The following CACNA1H variants were observed in gnomAD, a reference collection of about 807,000 sequenced individuals.
CACNA1H encodes calcium voltage-gated channel subunit alpha1 H, also known as voltage-dependent T-type calcium channel subunit alpha-1H.
Under a neutral mutation model 192.5 loss-of-function variants are expected in CACNA1H, and 149 were observed. The ratio of observed to expected loss-of-function variants is 0.77; its 90% CI spans 0.68 to 0.89. The LOEUF (loss-of-function observed/expected upper bound fraction) is 0.89. Ranked by LOEUF, CACNA1H falls within the 40% of genes least tolerant of loss-of-function variation. CACNA1H has a pLI of 0.00. For missense variants in CACNA1H, 4,257 were observed against 3,423.5 expected (o/e 1.24, Z -6.08); for synonymous variants, 2,202 against 1,475.2 (o/e 1.49, Z -11.29).
chr16:1,186,370 T>C (rs981127871), intron 2 of CACNA1H, among the ~76,000 whole-genome samples: 35 of 152,022 alleles, frequency 2.3e-4, no homozygotes, highest in Non-Finnish European at 4.4e-4. Flanking sequence ...CAGGCCCAGA[T>C]TCCTGGACGT....
chr16:1,188,189 C>A (rs752185570), intron 2 of CACNA1H, among the ~76,000 whole-genome samples: 1 of 152,172 alleles, frequency 6.6e-6, no homozygotes, highest in South Asian at 2.1e-4. Flanking sequence ...AGGCCCTGGC[C>A]CCAGGATACG....
In CACNA1H at chr16:1,167,897, G is replaced by A. The variant is rs536208872; in HGVS notation, c.299+13861G>A. On this transcript the variant is annotated intron_variant, in intron 2 of 34. Transcript: ENST00000348261. This position sits in a 1 kb window ranked among gnomAD's most constrained non-coding sequence, Gnocchi z 4.2. ...GCCCATGGCAGCAGGTGCTCAGTAA[G>A]CACTCGCCCCACCAGTGCGTGGAGC... 2.0e-5 allele frequency among the ~76,000 whole-genome samples: 3 copies of A among 152,328 alleles called. No individual in the cohort carries two copies. The highest frequency in any genetic ancestry group is 6.5e-5 in the Admixed American group (1 of 15,314).
rs574397087 is a variant in CACNA1H, at chr16:1,220,874, C to T, written c.6942C>T (p.Val2314=). Residue 2314 remains valine (V), a synonymous_variant, in exon 35 of 35, where the codon GTC becomes GTT. Transcript: ENST00000348261. Reference sequence around the variant, plus strand: ...CAGAATCAGAGCCTCCCATGCCCGTCGGTGACCCCCCAGAGAAGAGGCGGG... The same window carrying T: ...CAGAATCAGAGCCTCCCATGCCCGTTGGTGACCCCCCAGAGAAGAGGCGGG... ...EPPESEPPMP[V]GDPPEKRRGL... 2.0e-5 allele frequency: 33 copies of T among 1,612,678 alleles called. No homozygotes were observed. Among genetic ancestry groups the T allele is most frequent in the South Asian group, 1.8e-4 (16 of 91,078 alleles).
At chr16:1,194,019 C>G (rs59488514) in intron 2 of CACNA1H, among the ~76,000 whole-genome samples, 7,451 of 152,156 alleles carry the variant, frequency 0.049, 593 homozygotes, top group African/African-American at 0.17. Flanking sequence ...GCAGGGGGCG[C>G]TGCTGCCACC....
intron 3 of CACNA1H, 55 bp downstream of exon 3, chr16:1,195,138 G>A (rs1250114669): frequency 9.9e-7 from 1 of 1,012,396 alleles, no homozygotes; most frequent in Non-Finnish European, 1.5e-6. Flanking sequence ...GAGGTTTATG[G>A]TTCAAGGCGG....
chr16:1,219,976 C>T lies in CACNA1H; in HGVS notation c.6049-5C>T, dbSNP rs1287905631. ...GCCCCTCACTTTGACTCTACGCCCC[C>T]ACAGGAGGCTGTGCACACCGATTCC... On this transcript the variant is annotated splice_polypyrimidine_tract_variant and splice_region_variant and intron_variant, in intron 34 of 34. Transcript: ENST00000348261. 3.8e-6 allele frequency: 5 copies of T among 1,303,964 alleles called. No homozygotes were observed. Among genetic ancestry groups the T allele is most frequent in the Non-Finnish European group, 4.9e-6 (5 of 1,021,414 alleles). The allele number at this position is 1,303,964 out of a possible 1,614,324, so 80.8% of individuals were successfully genotyped here. A position where few individuals can be genotyped will look rare whatever the true frequency, so the allele number is the denominator to read the frequency against.
At position 1,219,140 on chromosome 16, in the gene CACNA1H, G is replaced by A. The variant is rs1437796928; in HGVS notation, c.6048+10G>A. 1.9e-5 allele frequency: 29 copies of A among 1,520,000 alleles called. No homozygotes were observed. Among genetic ancestry groups the A allele is most frequent in the Middle Eastern group, 1.7e-4 (1 of 5,854 alleles). 94.2% of individuals were successfully genotyped at this position (1,520,000 alleles called of 1,614,324 possible). On this transcript the variant is annotated intron_variant, in intron 34 of 34. Transcript: ENST00000348261. The stretch of plus-strand genomic sequence containing the variant: ...GCTGCTCTGCAGACAGGTAGGAGAA[G>A]CCGTTGGCCTGCAGCAGAGGCTGGC...
intron 9 of CACNA1H, among the ~76,000 whole-genome samples, chr16:1,202,819 C>T (rs1437103829): frequency 2.0e-5 from 3 of 152,104 alleles, no homozygotes; most frequent in African/African-American, 7.2e-5. Flanking sequence ...GGAGGACGTG[C>T]AGCGTCCTTC....
At chr16:1,197,608 C>T (rs1413985469) in intron 5 of CACNA1H, among the ~76,000 whole-genome samples, 16 of 152,232 alleles carry the variant, frequency 1.1e-4, no homozygotes, top group Non-Finnish European at 5.9e-5. Context: ...ACCTCTGGGT[C>T]ATCTGTGATC....
chr16:1,214,876 C>T (rs1969874279), intron 27 of CACNA1H, 96 bp from the exon 28 acceptor site: 1 of 898,142 alleles, frequency 1.1e-6, no homozygotes, highest in Non-Finnish European at 1.8e-6. Flanking sequence ...GCCTCCAGGG[C>T]CGGCCAGCGG....
Position 1,210,776 on chromosome 16 carries a change from G to A in CACNA1H, c.4039-11G>A, listed in dbSNP as rs369310607. 11 of 1,599,112 alleles carry A rather than the reference G, an allele frequency of 6.9e-6. No homozygotes were observed. In the Admixed American group the frequency reaches 1.5e-4, roughly 22 times the overall value. ...CCTGAGCCTGAGCTCAGTGCCATTG[G>A]CCCTCCGCAGGTGGTGGCCCTGGGG... On this transcript the variant is annotated splice_polypyrimidine_tract_variant and intron_variant, in intron 20 of 34. Coordinates refer to ENST00000348261, the MANE Select transcript of CACNA1H (RefSeq NM_021098.3).
At chr16:1,200,221 T>G (rs375149271) in intron 6 of CACNA1H, 35 bp from the exon 7 acceptor site, 19 of 1,546,846 alleles carry the variant, frequency 1.2e-5, no homozygotes, top group Non-Finnish European at 1.6e-5. Context: ...CTGACCCTGA[T>G]TGTACCTTTT....
chr16:1,198,014 G>C (rs1439871197), intron 5 of CACNA1H, among the ~76,000 whole-genome samples: 1 of 152,134 alleles, frequency 6.6e-6, no homozygotes, highest in Non-Finnish European at 1.5e-5. Context: ...GCCTCCAGCA[G>C]CCTCTCTCTG....
chr16:1,195,358 T>C (rs1265853385), intron 3 of CACNA1H, 74 bp from the exon 4 acceptor site: 74 of 1,536,292 alleles, frequency 4.8e-5, no homozygotes, highest in Non-Finnish European at 6.3e-5. Flanking sequence ...GGCCGGGCTC[T>C]TGCGGGGCTG....
At position 1,214,958 on chromosome 16, in the gene CACNA1H, C is replaced by T. The variant is rs747534354; in HGVS notation, c.4930-14C>T. The T allele has an allele frequency of 2.0e-5, 31 of 1,584,702 alleles. No homozygotes were observed. In the South Asian group the frequency reaches 2.6e-4, roughly 13 times the overall value. On this transcript the variant is annotated splice_polypyrimidine_tract_variant and intron_variant, in intron 27 of 34. Transcript: ENST00000348261. ...CCCAGCCCCACCTCAGCCAGCCCGACCCTCCACCCCCAGTCGCTGGACGAG... is the reference window on the plus strand; with the variant it reads ...CCCAGCCCCACCTCAGCCAGCCCGATCCTCCACCCCCAGTCGCTGGACGAG...
intron 2 of CACNA1H, among the ~76,000 whole-genome samples, chr16:1,186,718 C>G (rs1030138113): frequency 6.6e-6 from 1 of 152,200 alleles, no homozygotes; most frequent in African/African-American, 2.4e-5. Context: ...GCCTCCTCAA[C>G]GGGTGGCCAC....
At position 1,200,421 on chromosome 16, in the gene CACNA1H, G is replaced by T. The variant is rs564108356; in HGVS notation, c.969G>T (p.Thr323=). The change falls in exon 7 of 35, where the codon ACG becomes ACT. Residue 323 remains threonine (T), a synonymous_variant. Coordinates refer to ENST00000348261, the MANE Select transcript of CACNA1H (RefSeq NM_021098.3). ...GCACCCTGGGCTGGGAGGCCTACAC[G>T]CAGCCGCAGGCCGAGGGGGTGGGCG... ...MPCTLGWEAY[T]QPQAEGVGAA... 4.3e-6 allele frequency: 7 copies of T among 1,609,446 alleles called. No homozygotes were observed. In the Admixed American group the frequency reaches 8.4e-5, roughly 19 times the overall value.
Position 1,153,970 on chromosome 16 carries a change from C to G in CACNA1H, c.233C>G (p.Thr78Arg). Residue 78 changes from threonine to arginine, a missense_variant, in exon 2 of 35, where the codon ACG (threonine) becomes AGG (arginine). Thr to Arg is a moderately conservative substitution (Grantham distance 71, BLOSUM62 -1). Transcript: ENST00000348261. ...QRVPYPALAATVFFCLGQTTR... is the reference protein window; with the variant it reads ...QRVPYPALAARVFFCLGQTTR... Reference sequence around the variant, plus strand: ...GTCCCGTACCCGGCCTTGGCGGCCACGGTCTTCTTCTGCCTCGGTCAGACC... The same window carrying G: ...GTCCCGTACCCGGCCTTGGCGGCCAGGGTCTTCTTCTGCCTCGGTCAGACC... The G allele has an allele frequency of 6.9e-7, 1 of 1,447,932 alleles. No homozygotes were observed. The highest frequency in any genetic ancestry group is 9.1e-7 in the Non-Finnish European group (1 of 1,100,096). The allele number at this position is 1,447,932 out of a possible 1,614,324, so 89.7% of individuals were successfully genotyped here. A position where few individuals can be genotyped will look rare whatever the true frequency, so the allele number is the denominator to read the frequency against.
chr16:1,199,623 G>T (rs1168255273), intron 6 of CACNA1H, among the ~76,000 whole-genome samples: 1 of 148,758 alleles, frequency 6.7e-6, no homozygotes, highest in Non-Finnish European at 1.5e-5. Context: ...CTCGGCCCTT[G>T]CTCTGCAGTC....
Sources: allele counts gnomAD v4.1 joint callset (sites outside exome capture counted in the v4.1 genomes callset), GRCh38; gene constraint gnomAD v4.1.1; non-coding constraint Gnocchi (gnomAD v3.1); transcripts MANE v1.5; gene names NCBI Gene and HGNC (gene_info 2026-07-23, HGNC 2026-07-21).